Variants in KCNN3 observed in about 807,000 individuals in gnomAD.
The protein encoded by KCNN3 is potassium calcium-activated channel subfamily N member 3.
A neutral mutation model predicts 62.9 loss-of-function variants in KCNN3; 16 were observed. The observed-to-expected ratio is 0.25, with a 90% CI of 0.17 to 0.39. KCNN3 has a LOEUF of 0.39. KCNN3 is among the 10% of genes least tolerant of loss of function. KCNN3 has a pLI of 1.00. For synonymous variants in KCNN3, 370 were observed against 389.2 expected, an observed-to-expected ratio of 0.95 and a Z score of 0.58; for missense variants, 599 against 949.4, an observed-to-expected ratio of 0.63 and a Z score of 4.85.
chr1:154,836,456 C>T (rs1255969477), intron 1 of KCNN3, among the ~76,000 whole-genome samples: 1 of 152,206 alleles, frequency 6.6e-6, no homozygotes, highest in Non-Finnish European at 1.5e-5. Flanking sequence ...GACTGAGACC[C>T]CAAGCAGGGA....
At chr1:154,770,415 G>A (rs935170107) in intron 3 of KCNN3, among the ~76,000 whole-genome samples, 2 of 152,188 alleles carry the variant, frequency 1.3e-5, no homozygotes, top group Admixed American at 6.5e-5. Flanking sequence ...CACCCATGTA[G>A]GGTGTGTTGA....
intron 2 of KCNN3, among the ~76,000 whole-genome samples, chr1:154,804,459 G>A (rs1187953322): frequency 2.6e-5 from 4 of 152,196 alleles, no homozygotes; most frequent in Admixed American, 1.3e-4. Flanking sequence ...CCACAGCAAC[G>A]TGGTTCCAAG....
intron 2 of KCNN3, among the ~76,000 whole-genome samples, chr1:154,817,131 G>T (rs954700597): frequency 2.0e-5 from 3 of 152,196 alleles, no homozygotes; most frequent in Non-Finnish European, 4.4e-5. Flanking sequence ...GTAGGTACTG[G>T]TTCCGGGTGG....
At chr1:154,709,222 C>A (rs974196889) in intron 7 of KCNN3, among the ~76,000 whole-genome samples, 1 of 152,174 alleles carries the variant, frequency 6.6e-6, no homozygotes, top group Non-Finnish European at 1.5e-5. Flanking sequence ...TTTCTCCCAG[C>A]AAATTAGCAA....
intron 4 of KCNN3, 119 bp downstream of exon 4, chr1:154,732,884 C>T (rs771676636): frequency 6.4e-5 from 64 of 994,588 alleles, no homozygotes; most frequent in Non-Finnish European, 9.5e-5. Flanking sequence ...ACATGCAGGT[C>T]GGTTAACTAA....
At chr1:154,829,021 C>T (rs1651269904) in intron 1 of KCNN3, among the ~76,000 whole-genome samples, 1 of 152,252 alleles carries the variant, frequency 6.6e-6, no homozygotes, top group Non-Finnish European at 1.5e-5. Context: ...TCCCCACCCG[C>T]TCCAACCCCA....
At chr1:154,849,113 C>T (rs989813406) in intron 1 of KCNN3, among the ~76,000 whole-genome samples, 1 of 152,210 alleles carries the variant, frequency 6.6e-6, no homozygotes, top group Non-Finnish European at 1.5e-5. Flanking sequence ...GCCCACTCAC[C>T]TCAAGAGGAT....
In KCNN3 at chr1:154,772,005, A is replaced by G. The variant is rs757709658; in HGVS notation, c.1418T>C (p.Ile473Thr). Reference sequence around the variant, plus strand: ...ACAGACACGGACGGTCCAGGCAGCAATGATCCACAGAGAGATGCTGAACAC... The same window carrying G: ...ACAGACACGGACGGTCCAGGCAGCAGTGATCCACAGAGAGATGCTGAACAC... ...LLVFSISLWI[I>T]AAWTVRVCER... Residue 473 changes from isoleucine to threonine, a missense_variant, in exon 3 of 8, where the codon ATT becomes ACT. Coordinates refer to ENST00000271915, the MANE Select transcript of KCNN3 (RefSeq NM_002249.6). The surrounding 1 kb of genome is among the most constrained non-coding windows in gnomAD (Gnocchi z 5.6). The G allele has an allele frequency of 9.9e-6, 16 of 1,613,870 alleles. No individual in the cohort carries two copies. Among genetic ancestry groups the G allele is most frequent in the Admixed American group, 3.3e-5 (2 of 59,992 alleles).
intron 2 of KCNN3, among the ~76,000 whole-genome samples, chr1:154,808,340 C>T (rs1650265886): frequency 6.6e-6 from 1 of 151,922 alleles, no homozygotes; most frequent in Non-Finnish European, 1.5e-5. Context: ...CTTCTGCATT[C>T]TTCACAGCTG....
At chr1:154,740,689 G>A (rs1365635765) in intron 3 of KCNN3, among the ~76,000 whole-genome samples, 1 of 152,188 alleles carries the variant, frequency 6.6e-6, no homozygotes, top group African/African-American at 2.4e-5. Flanking sequence ...CACACTAGTG[G>A]GTGAATTGGG....
Position 154,698,709 on chromosome 1 carries a change from T to G in KCNN3, c.*9267A>C, listed in dbSNP as rs1231700696. On this transcript the variant is annotated 3_prime_UTR_variant, in exon 8 of 8. Transcript: ENST00000271915. ...TGTAGACAGGCAGGGCCCATGGAGC[T>G]GTGGAGAGTTCACTGGGACTCCTCT... 1 of 152,218 alleles carries G rather than the reference T, an allele frequency of 6.6e-6. No individual in the cohort carries two copies. Among genetic ancestry groups the G allele is most frequent in the African/African-American group, 2.4e-5 (1 of 41,446 alleles). The allele number at this position is 152,218 out of a possible 1,614,324, so 9.4% of individuals were successfully genotyped here.
At chr1:154,842,487 A>G (rs1651875323) in intron 1 of KCNN3, among the ~76,000 whole-genome samples, 1 of 152,122 alleles carries the variant, frequency 6.6e-6, no homozygotes, top group Non-Finnish European at 1.5e-5. Context: ...GTCGCACCCC[A>G]AAAGTGGGGC....
intron 2 of KCNN3, among the ~76,000 whole-genome samples, chr1:154,785,707 C>T (rs747917551): frequency 4.6e-5 from 7 of 151,280 alleles, no homozygotes; most frequent in Non-Finnish European, 1.0e-4. Flanking sequence ...CTCAGCCTCC[C>T]GAGTAGCTGG....
At chr1:154,861,099 C>A (rs1027904274) in intron 1 of KCNN3, among the ~76,000 whole-genome samples, 4 of 151,992 alleles carry the variant, frequency 2.6e-5, no homozygotes, top group African/African-American at 9.7e-5. Flanking sequence ...GGATAACAGG[C>A]GTGAGCCACC....
chr1:154,798,115 G>T (rs1649806428), intron 2 of KCNN3, among the ~76,000 whole-genome samples: 1 of 152,162 alleles, frequency 6.6e-6, no homozygotes, highest in African/African-American at 2.4e-5. Flanking sequence ...GGACAGGGTA[G>T]ATATTGCAAA....
intron 6 of KCNN3, 45 bp from the exon 7 acceptor site, chr1:154,713,578 A>C: frequency 6.6e-7 from 1 of 1,523,286 alleles, no homozygotes; most frequent in East Asian, 2.3e-5. Context: ...AGTCCATGCA[A>C]AGGTTTAGCC....
rs143207779 is a variant in KCNN3 at position 154,850,309 on chromosome 1, C to G, written c.933+18723G>C. Among the ~76,000 whole-genome samples the G allele has an allele frequency of 1.5e-3, 236 of 152,350 alleles. 1 individual carries two copies. Among genetic ancestry groups the G allele is most frequent in the South Asian group, 6.4e-3 (31 of 4,830 alleles). The stretch of plus-strand genomic sequence containing the variant: ...TAAATCACTGAAGTCCTGCAACCAA[C>G]AAGGGTCAGGGTCCAGCTTTGAAAC... On this transcript the variant is annotated intron_variant, in intron 1 of 7. Transcript: ENST00000271915.
chr1:154,827,195 G>A (rs1299964313), intron 1 of KCNN3, among the ~76,000 whole-genome samples: 1 of 152,100 alleles, frequency 6.6e-6, no homozygotes, highest in Non-Finnish European at 1.5e-5. Flanking sequence ...TCATGGAGAG[G>A]CTCCAAAATT....
rs374669682 is a variant in KCNN3, at chr1:154,753,224, G to T, written c.1448+18751C>A. On this transcript the variant is annotated intron_variant, in intron 3 of 7. Transcript: ENST00000271915. ...CATAGATGTTTACTTTATTAAGTTT[G>T]TTATACATTTTCTCCAAAAAAGTCT... 4.1e-4 allele frequency among the ~76,000 whole-genome samples: 63 copies of T among 152,190 alleles called. 3 individuals carry two copies. The highest frequency in any genetic ancestry group is 1.5e-3 in the African/African-American group (63 of 41,518).
Sources: gnomAD v4.1 joint callset for allele counts (sites outside exome capture counted in the v4.1 genomes callset) on GRCh38, gnomAD v4.1.1 for gene constraint, Gnocchi (gnomAD v3.1) non-coding constraint, MANE v1.5 for transcripts, NCBI Gene and HGNC (gene_info 2026-07-23, HGNC 2026-07-21) for gene names.